FAF2: variants seen among roughly 807,000 people sequenced by gnomAD.
The protein encoded by FAF2 is FAS-associated factor 2.
FAF2 carries 9 observed loss-of-function variants against 62.3 expected under a neutral mutation model. That is an observed-to-expected ratio of 0.14 (90% CI 0.09 to 0.25). FAF2 has a LOEUF of 0.25. FAF2 is among the 10% of genes least tolerant of loss of function. The pLI is 1.00. For synonymous variants in FAF2, 202 were observed against 198.0 expected, an observed-to-expected ratio of 1.02 and a Z score of -0.17; for missense variants, 368 against 556.2, an observed-to-expected ratio of 0.66 and a Z score of 3.40.
chr5:176,498,857 AAC>A, intron 8 of FAF2, 55 bp from the exon 9 acceptor site: 1 of 1,441,834 alleles, frequency 6.9e-7, no homozygotes, highest in Non-Finnish European at 9.2e-7. Context: ...AATATAAGAA[AAC>A]ACAGAACTTT....
Position 176,466,190 on chromosome 5 carries a change from C to A in FAF2, c.64-12998C>A, listed in dbSNP as rs142128587. On this transcript the variant is annotated intron_variant, in intron 1 of 10. Coordinates refer to ENST00000261942, the MANE Select transcript of FAF2 (RefSeq NM_014613.3). Reference sequence around the variant, plus strand: ...GAGTTTAAATTACTTTAGATCAGAGCCTAGCCATGATCACTTAATTTCCTG... The same window carrying A: ...GAGTTTAAATTACTTTAGATCAGAGACTAGCCATGATCACTTAATTTCCTG... Among the ~76,000 whole-genome samples the A allele has an allele frequency of 5.6e-3, 854 of 152,264 alleles. 28 individuals carry two copies. The highest frequency in any genetic ancestry group is 0.051 in the Admixed American group (784 of 15,286).
chr5:176,478,392 T>C (rs1470564964), intron 1 of FAF2, among the ~76,000 whole-genome samples: 2 of 152,028 alleles, frequency 1.3e-5, no homozygotes, highest in Non-Finnish European at 2.9e-5. Context: ...GGCGGGAGGA[T>C]CGCTTCAGTC....
rs1356972425 is a variant in FAF2 at position 176,507,469 on chromosome 5, TTTTA to T, written c.*523_*526del. The T allele has an allele frequency of 1.7e-5, 5 of 287,784 alleles. No individual in the cohort carries two copies. Among genetic ancestry groups the T allele is most frequent in the Admixed American group, 9.3e-5 (2 of 21,458 alleles). 17.8% of individuals were successfully genotyped at this position (287,784 alleles called of 1,614,324 possible). A position where few individuals can be genotyped will look rare whatever the true frequency, so the allele number is the denominator to read the frequency against. The stretch of plus-strand genomic sequence containing the variant: ...GAACTGCCCACAAGTTTTCAATAAC[TTTTA>T]TTTCTGTTTTGTAATGACCAAAGGA... On this transcript the variant is annotated 3_prime_UTR_variant, in exon 11 of 11. Transcript: ENST00000261942.
chr5:176,462,518 G>A (rs1158575619), intron 1 of FAF2, among the ~76,000 whole-genome samples: 2 of 150,286 alleles, frequency 1.3e-5, no homozygotes, highest in Non-Finnish European at 3.0e-5. Flanking sequence ...CAGCTGCTTG[G>A]GAGGCTGAGG....
chr5:176,463,606 C>G (rs1487337832), intron 1 of FAF2, among the ~76,000 whole-genome samples: 1 of 151,964 alleles, frequency 6.6e-6, no homozygotes, highest in Non-Finnish European at 1.5e-5. Flanking sequence ...TCTGCACAAC[C>G]CAAGGAACTA....
intron 2 of FAF2, among the ~76,000 whole-genome samples, chr5:176,485,121 G>C (rs535668917): frequency 6.6e-6 from 1 of 152,296 alleles, no homozygotes; most frequent in Middle Eastern, 3.4e-3. Context: ...AAGAGAAATA[G>C]CTTCCAATGA....
chr5:176,480,758 TAATA>T (rs1758772363), intron 2 of FAF2, among the ~76,000 whole-genome samples: 1 of 127,106 alleles, frequency 7.9e-6, no homozygotes, highest in African/African-American at 3.1e-5. Context: ...TTTCAGTTTG[TAATA>T]AATGACCGGA....
rs893691623 is a variant in FAF2 at position 176,507,943 on chromosome 5, T to G, written c.*993T>G. 1.3e-5 allele frequency: 2 copies of G among 152,704 alleles called. No homozygotes were observed. The highest frequency in any genetic ancestry group is 1.3e-4 in the Admixed American group (2 of 15,282). The allele number at this position is 152,704 out of a possible 1,614,324, so 9.5% of individuals were successfully genotyped here. ...TGCTCCCCCCAGCCCTGGGCTTTCC[T>G]GAATTGCCAAGCCTGGTGCCTTTCC... On this transcript the variant is annotated 3_prime_UTR_variant, in exon 11 of 11. Transcript: ENST00000261942.
intron 1 of FAF2, among the ~76,000 whole-genome samples, chr5:176,451,892 A>AT (rs1174600881): frequency 0.012 from 250 of 21,674 alleles, 58 homozygotes; most frequent in Non-Finnish European, 0.016. Context: ...ATATATATAT[A>AT]TTTTTTTTTT....
In FAF2 at chr5:176,508,255, A is replaced by G. The variant is rs1334449784; in HGVS notation, c.*1305A>G. The G allele has an allele frequency of 2.0e-5, 3 of 152,170 alleles. No homozygotes were observed. The highest frequency in any genetic ancestry group is 2.9e-5 in the Non-Finnish European group (2 of 68,044). The allele number at this position is 152,170 out of a possible 1,614,324, so 9.4% of individuals were successfully genotyped here. On this transcript the variant is annotated 3_prime_UTR_variant, in exon 11 of 11. Coordinates refer to ENST00000261942, the MANE Select transcript of FAF2 (RefSeq NM_014613.3). ...TGGTTGAGTTTATGGTAATGGGTACATGGGTCAGGCCATGTATTAACAGAT... is the reference window on the plus strand; with the variant it reads ...TGGTTGAGTTTATGGTAATGGGTACGTGGGTCAGGCCATGTATTAACAGAT...
chr5:176,481,142 G>A (rs1210471183), intron 2 of FAF2, among the ~76,000 whole-genome samples: 1 of 151,996 alleles, frequency 6.6e-6, no homozygotes, highest in African/African-American at 2.4e-5. Flanking sequence ...CGCCTCCCGG[G>A]TTCAAGCAAT....
In FAF2 at chr5:176,507,588, C is replaced by T. The variant is rs188644978; in HGVS notation, c.*638C>T. On this transcript the variant is annotated 3_prime_UTR_variant, in exon 11 of 11. Transcript: ENST00000261942. ...AACCCATGAGTTTATGCCCTGGGCT[C>T]CTTAGCCCACAATAGTGTAATAAAA... is the stretch of plus-strand genomic sequence containing the variant. The T allele has an allele frequency of 5.2e-4, 83 of 158,702 alleles. No individual in the cohort carries two copies. The highest frequency in any genetic ancestry group is 1.9e-3 in the African/African-American group (77 of 41,540). The allele number at this position is 158,702 out of a possible 1,614,324, so 9.8% of individuals were successfully genotyped here.
intron 1 of FAF2, among the ~76,000 whole-genome samples, chr5:176,465,613 C>G (rs1758453982): frequency 6.6e-6 from 1 of 152,154 alleles, no homozygotes. Context: ...GTGATCTGCC[C>G]TCCTTGGCCT....
chr5:176,499,821 T>C (rs1191754450), intron 9 of FAF2, among the ~76,000 whole-genome samples, 182 bp from the exon 10 acceptor site: 1 of 152,178 alleles, frequency 6.6e-6, no homozygotes, highest in African/African-American at 2.4e-5. Flanking sequence ...TACCTAGACA[T>C]AATAAAGAAT....
At chr5:176,484,098 G>A (rs1444012840) in intron 2 of FAF2, among the ~76,000 whole-genome samples, 1 of 151,902 alleles carries the variant, frequency 6.6e-6, no homozygotes, top group Admixed American at 6.6e-5. Flanking sequence ...AAGAAAAAAA[G>A]GGGGCAGAGT....
At position 176,496,544 on chromosome 5, in the gene FAF2, T is replaced by A; in HGVS notation, c.720T>A (p.Asp240Glu). The change falls in exon 8 of 11, where the codon GAT becomes GAA. Residue 240 changes from aspartate (D) to glutamate (E), a missense_variant. Asp to Glu is a conservative substitution (Grantham distance 45). Coordinates refer to ENST00000261942, the MANE Select transcript of FAF2 (RefSeq NM_014613.3). ...YPFLAMIMLK[D>E]RRMTVVGRLE... ...TCCTGGCCATGATTATGCTGAAGGA[T>A]CGAAGGATGACTGTGGTGGGACGGC... 6.2e-7 allele frequency: 1 copy of A among 1,612,930 alleles called. No homozygotes were observed.
At chr5:176,452,149 C>A (rs548184858) in intron 1 of FAF2, among the ~76,000 whole-genome samples, 2 of 151,402 alleles carry the variant, frequency 1.3e-5, no homozygotes, top group East Asian at 3.9e-4. Flanking sequence ...CCTCTGCCTC[C>A]CAGGTTTAAG....
intron 1 of FAF2, among the ~76,000 whole-genome samples, chr5:176,470,394 A>G (rs1052759714): frequency 5.3e-5 from 8 of 152,248 alleles, no homozygotes; most frequent in African/African-American, 1.9e-4. Context: ...CCTGACCAAC[A>G]TGGAGAAACC....
At chr5:176,454,426 AAGTT>A (rs1333032415) in intron 1 of FAF2, among the ~76,000 whole-genome samples, 2 of 151,734 alleles carry the variant, frequency 1.3e-5, no homozygotes, top group Non-Finnish European at 2.9e-5. Context: ...AATACAAAAA[AAGTT>A]AGCCCAGTGT....
Sources: allele counts gnomAD v4.1 joint callset (sites outside exome capture counted in the v4.1 genomes callset), GRCh38; gene constraint gnomAD v4.1.1; transcripts MANE v1.5; gene names NCBI Gene and HGNC (gene_info 2026-07-23, HGNC 2026-07-21).